IL33: variants seen among roughly 807,000 people sequenced by gnomAD.
IL33 encodes the protein interleukin 33, also known as interleukin-33.
IL33 carries 37 observed loss-of-function variants against 27.3 expected under a neutral mutation model. That is an observed-to-expected ratio of 1.36 (90% CI 1.04 to 1.78). The LOEUF (loss-of-function observed/expected upper bound fraction) is 1.78, where lower values mean the gene tolerates loss of function less well. IL33 is among the 40% of genes most tolerant of loss of function. IL33 has a pLI of 0.00. For missense variants in IL33, 406 were observed against 311.4 expected, an observed-to-expected ratio of 1.30 and a Z score of -2.29; for synonymous variants, 132 against 102.9, an observed-to-expected ratio of 1.28 and a Z score of -1.71.
intron 2 of IL33, among the ~76,000 whole-genome samples, chr9:6,246,442 G>C (rs952079849): frequency 6.6e-6 from 1 of 152,028 alleles, no homozygotes; most frequent in Non-Finnish European, 1.5e-5. Context: ...CACGCCTGTA[G>C]TCCCAGCTAC....
chr9:6,252,512 T>C (rs1816463028), intron 4 of IL33, among the ~76,000 whole-genome samples: 1 of 152,190 alleles, frequency 6.6e-6, no homozygotes. Context: ...TCCATGTCTA[T>C]CAAAATACAG....
At chr9:6,218,817 A>G in intron 1 of IL33, among the ~76,000 whole-genome samples, 1 of 110,052 alleles carries the variant, frequency 9.1e-6, no homozygotes, top group South Asian at 2.8e-4. Context: ...ATATATATAT[A>G]TGTTCTCCAT....
Position 6,256,137 on chromosome 9 carries a change from A to C in IL33, c.782A>C (p.Glu261Ala). 1 of 1,613,432 alleles carries C rather than the reference A, an allele frequency of 6.2e-7. No homozygotes were observed. The highest frequency in any genetic ancestry group is 8.5e-7 in the Non-Finnish European group (1 of 1,179,546). Residue 261 changes from glutamate to alanine, a missense_variant, in exon 8 of 8, where the codon GAA becomes GCA. Physicochemically the swap from Glu to Ala is moderately radical, Grantham distance 107. Transcript: ENST00000682010. ...GACTCTTCTGAGAATTTGTGTACTG[A>C]AAATATCTTGTTTAAGCTCTCTGAA... ...KVDSSENLCT[E>A]NILFKLSET
At chr9:6,239,125 G>A (rs563785961) in intron 1 of IL33, among the ~76,000 whole-genome samples, 168 of 152,288 alleles carry the variant, frequency 1.1e-3, no homozygotes, top group African/African-American at 3.8e-3. Context: ...AGCAGCCTGA[G>A]AGATCAAGCC....
chr9:6,234,451 A>C (rs1297277111), intron 1 of IL33, among the ~76,000 whole-genome samples: 2 of 152,154 alleles, frequency 1.3e-5, no homozygotes, highest in African/African-American at 2.4e-5. Flanking sequence ...CCCAGTCCAG[A>C]GCAGGTACAC....
intron 2 of IL33, among the ~76,000 whole-genome samples, chr9:6,248,364 AT>A (rs1820001941): frequency 6.7e-6 from 1 of 148,428 alleles, no homozygotes; most frequent in Admixed American, 6.8e-5. Flanking sequence ...TAATTAGGTC[AT>A]GAGAACTCCA....
At chr9:6,218,087 T>A (rs1818226875) in intron 1 of IL33, among the ~76,000 whole-genome samples, 1 of 152,128 alleles carries the variant, frequency 6.6e-6, no homozygotes, top group Non-Finnish European at 1.5e-5. Context: ...AAGTTTAGGG[T>A]GATTGAACTG....
intron 3 of IL33, 121 bp downstream of exon 3, chr9:6,250,720 T>C (rs1006694347): frequency 4.3e-6 from 5 of 1,157,906 alleles, no homozygotes; most frequent in African/African-American, 3.1e-5. Context: ...ATATTAAGAA[T>C]GATGAACTGG....
rs374429798 is a variant in IL33 at position 6,250,612 on chromosome 9, G to A, written c.217+13G>A. The stretch of plus-strand genomic sequence containing the variant: ...TCACTGAAAACAGGTAAGGGGAACC[G>A]TACATTCTCTGGCAATAGTGATAAG... On this transcript the variant is annotated intron_variant, in intron 3 of 7. Transcript: ENST00000682010. 8.9e-5 allele frequency: 143 copies of A among 1,608,098 alleles called. No individual in the cohort carries two copies. Among genetic ancestry groups the A allele is most frequent in the Admixed American group, 1.2e-4 (7 of 58,458 alleles).
At chr9:6,243,560 G>A (rs1188055138) in intron 2 of IL33, among the ~76,000 whole-genome samples, 2 of 152,208 alleles carry the variant, frequency 1.3e-5, no homozygotes, top group African/African-American at 2.4e-5. Flanking sequence ...TCACCAGGTT[G>A]GCCAGGCTGG....
At position 6,241,245 on chromosome 9, in the gene IL33, C is replaced by A. The variant is rs569137688; in HGVS notation, c.-11-439C>A. Among the ~76,000 whole-genome samples the A allele has an allele frequency of 5.3e-5, 8 of 152,248 alleles. No homozygotes were observed. In the East Asian group the frequency reaches 1.2e-3, roughly 22 times the overall value. ...AATAATGATAAAAAGTATAGTATAG[C>A]AAATACATAAACCAGTAACATAGTC... On this transcript the variant is annotated intron_variant, in intron 1 of 7. Coordinates refer to ENST00000682010, the MANE Select transcript of IL33 (RefSeq NM_033439.4).
chr9:6,254,529 C>A lies in IL33; in HGVS notation c.588C>A (p.Ala196=). The A allele has an allele frequency of 6.3e-7, 1 of 1,591,710 alleles. No individual in the cohort carries two copies. Among genetic ancestry groups the A allele is most frequent in the Non-Finnish European group, 8.6e-7 (1 of 1,167,210 alleles). The change falls in exon 7 of 8, where the codon GCC becomes GCA. Residue 196 remains alanine (A), a synonymous_variant. Transcript: ENST00000682010. ...CTACAAAAGACTTCTGGTTGCATGCCAACAACAAGGAACACTCTGTGGAGG... is the reference window on the plus strand; with the variant it reads ...CTACAAAAGACTTCTGGTTGCATGCAAACAACAAGGAACACTCTGTGGAGG... The part of the protein sequence containing the change: ...LSPTKDFWLH[A]NNKEHSVELH...
Position 6,250,535 on chromosome 9 carries a change from T to G in IL33, c.153T>G (p.Leu51=). The G allele has an allele frequency of 6.2e-7, 1 of 1,613,976 alleles. No individual in the cohort carries two copies. The highest frequency in any genetic ancestry group is 8.5e-7 in the Non-Finnish European group (1 of 1,179,930). ...PMYFMKLRSG[L]MIKKEACYFR... is the part of the protein sequence containing the mutation. Reference sequence around the variant, plus strand: ...ACTTTATGAAGCTCCGCTCTGGCCTTATGATAAAAAAGGAGGCCTGTTACT... The same window carrying G: ...ACTTTATGAAGCTCCGCTCTGGCCTGATGATAAAAAAGGAGGCCTGTTACT... The change falls in exon 3 of 8, where the codon CTT becomes CTG. Residue 51 remains leucine (L), a synonymous_variant. Transcript: ENST00000682010.
intron 4 of IL33, 44 bp downstream of exon 4, chr9:6,251,309 A>G (rs1816343960): frequency 1.2e-6 from 2 of 1,606,814 alleles, no homozygotes; most frequent in Non-Finnish European, 1.7e-6. Flanking sequence ...GGAGGGAGGT[A>G]TGACACAGGA....
chr9:6,236,335 G>A (rs1819207582), intron 1 of IL33, among the ~76,000 whole-genome samples: 1 of 152,070 alleles, frequency 6.6e-6, no homozygotes, highest in Admixed American at 6.6e-5. Context: ...AAAAAAGAAT[G>A]TCAGGATCTA....
At chr9:6,232,648 A>G (rs1818980251) in intron 1 of IL33, among the ~76,000 whole-genome samples, 1 of 152,148 alleles carries the variant, frequency 6.6e-6, no homozygotes, top group Non-Finnish European at 1.5e-5. Flanking sequence ...CAGGGCTAGT[A>G]GAGAAAGCCT....
At chr9:6,230,747 A>G (rs1325373572) in intron 1 of IL33, among the ~76,000 whole-genome samples, 1 of 152,184 alleles carries the variant, frequency 6.6e-6, no homozygotes, top group Non-Finnish European at 1.5e-5. Flanking sequence ...ATATCCTCAT[A>G]GATCCTCTTC....
chr9:6,216,201 G>C (rs1040600070), intron 1 of IL33, among the ~76,000 whole-genome samples: 1 of 152,086 alleles, frequency 6.6e-6, no homozygotes, highest in African/African-American at 2.4e-5. Context: ...CGTGATCCTA[G>C]CTCACTGCAG....
intron 1 of IL33, among the ~76,000 whole-genome samples, chr9:6,232,960 AT>A (rs1818997485): frequency 6.6e-6 from 1 of 152,184 alleles, no homozygotes; most frequent in African/African-American, 2.4e-5. Flanking sequence ...CTCCACTCCC[AT>A]TTAAAAAATT....
Sources: gnomAD v4.1 joint callset for allele counts (sites outside exome capture counted in the v4.1 genomes callset) on GRCh38, gnomAD v4.1.1 for gene constraint, MANE v1.5 for transcripts, NCBI Gene and HGNC (gene_info 2026-07-23, HGNC 2026-07-21) for gene names.